MTA3: variants seen among roughly 807,000 people sequenced by gnomAD.
MTA3 encodes the protein metastasis associated 1 family member 3, also known as metastasis-associated protein MTA3.
In MTA3, 34 loss-of-function variants were observed where a neutral mutation model predicts 83.5. The observed-to-expected ratio is 0.41, with a 90% CI of 0.31 to 0.54. The LOEUF (loss-of-function observed/expected upper bound fraction) is 0.54, where lower values mean the gene tolerates loss of function less well. MTA3 is among the 20% of genes least tolerant of loss of function. The pLI is 0.33. For missense variants in MTA3, 761 were observed against 726.4 expected (o/e 1.05, Z -0.55); for synonymous variants, 303 against 252.7 (o/e 1.20, Z -1.89).
rs770325715 is a variant in MTA3, at chr2:42,667,570, T to TTATGTGTGTGTGTGTGTGTG, written c.702+7709_702+7710insATGTGTGTGTGTGTGTGTGT. Among the ~76,000 whole-genome samples the TTATGTGTGTGTGTGTGTGTG allele has an allele frequency of 2.8e-4, 40 of 144,808 alleles. 1 individual carries two copies. The highest frequency in any genetic ancestry group is 4.1e-4 in the African/African-American group (16 of 39,210). The allele number at this position is 144,808 out of a possible 152,430, so 95.0% of individuals were successfully genotyped here. A position where few individuals can be genotyped will look rare whatever the true frequency, so the allele number is the denominator to read the frequency against. ...TGTCAGAATTTCCATCATTTAAAAA[T>TTATGTGTGTGTGTGTGTGTG]TGTGTGTGTGTGTGTGTGTGTGTGT... On this transcript the variant is annotated intron_variant, in intron 8 of 16. Transcript: ENST00000405094.
At chr2:42,725,239 T>C (rs1667726497) in intron 16 of MTA3, among the ~76,000 whole-genome samples, 1 of 152,210 alleles carries the variant, frequency 6.6e-6, no homozygotes, top group Admixed American at 6.5e-5. Context: ...TCAATATATA[T>C]TAGTTGTATA....
intron 2 of MTA3, among the ~76,000 whole-genome samples, chr2:42,561,605 G>C (rs142559222): frequency 6.6e-6 from 1 of 152,212 alleles, no homozygotes; most frequent in East Asian, 1.9e-4. Flanking sequence ...TTACAGGCGT[G>C]AGCCACCGAG....
chr2:42,594,581 A>G (rs1681459625), intron 3 of MTA3, among the ~76,000 whole-genome samples: 1 of 147,922 alleles, frequency 6.8e-6, no homozygotes, highest in African/African-American at 2.5e-5. Context: ...CAGATTAAAA[A>G]TGGTGCCTTG....
intron 2 of MTA3, among the ~76,000 whole-genome samples, chr2:42,496,837 T>A (rs1674159832): frequency 6.6e-6 from 1 of 152,104 alleles, no homozygotes. Flanking sequence ...CTTTCCTATC[T>A]CTATGAATTC....
chr2:42,659,019 G>T (rs370440049), intron 7 of MTA3, among the ~76,000 whole-genome samples: 92 of 151,944 alleles, frequency 6.1e-4, no homozygotes, highest in Middle Eastern at 3.4e-3. Context: ...GATTGTTTGA[G>T]CCCAGGAAGT....
chr2:42,664,416 A>G (rs1436034020), intron 8 of MTA3, among the ~76,000 whole-genome samples: 1 of 140,518 alleles, frequency 7.1e-6, no homozygotes, highest in African/African-American at 2.7e-5. Flanking sequence ...GGGGAGTCAC[A>G]TTCTTTTCTT....
At chr2:42,591,939 G>A (rs1319874482) in intron 3 of MTA3, among the ~76,000 whole-genome samples, 4 of 148,482 alleles carry the variant, frequency 2.7e-5, no homozygotes, top group South Asian at 2.4e-4. Context: ...GTGAGCCACC[G>A]TGCCTGGCCT....
rs75292623 is a variant in MTA3, at chr2:42,722,966, A to T, written c.1690A>T (p.Thr564Ser). The T allele has an allele frequency of 9.8e-4, 1,520 of 1,551,214 alleles. 19 individuals are homozygous for T. The African/African-American group carries it at 0.017, about 18-fold the overall frequency. The part of the protein sequence containing the change: ...LQTPTTKRML[T>S]TPNHTSLSIL... ...AACCCCAACTACCAAGCGGATGCTA[A>T]CAACTCCAAATCACACATCTCTGAG... Residue 564 changes from threonine (T) to serine (S), a missense_variant, in exon 16 of 17, where the codon ACA (threonine) becomes TCA (serine). Thr to Ser is a moderately conservative substitution (Grantham distance 58). Coordinates refer to ENST00000405094, the MANE Select transcript of MTA3 (RefSeq NM_001330442.2).
intron 3 of MTA3, among the ~76,000 whole-genome samples, chr2:42,584,417 C>G (rs1481724204): frequency 6.6e-6 from 1 of 152,214 alleles, no homozygotes; most frequent in African/African-American, 2.4e-5. Context: ...AAGGAACTCT[C>G]CATGCCATTT....
chr2:42,606,276 G>T (rs1250850348), intron 3 of MTA3, among the ~76,000 whole-genome samples: 1 of 149,278 alleles, frequency 6.7e-6, no homozygotes, highest in African/African-American at 2.5e-5. Flanking sequence ...GGTGGCTGCC[G>T]GGCGGAGACG....
chr2:42,736,341 G>A (rs1350129558), intron 16 of MTA3, among the ~76,000 whole-genome samples: 3 of 152,176 alleles, frequency 2.0e-5, no homozygotes, highest in Non-Finnish European at 2.9e-5. Flanking sequence ...GATGACACAA[G>A]CACCCCTGTG....
At chr2:42,590,149 C>T (rs1680795138) in intron 3 of MTA3, among the ~76,000 whole-genome samples, 1 of 152,132 alleles carries the variant, frequency 6.6e-6, no homozygotes, top group African/African-American at 2.4e-5. Context: ...ACTTTGGGTA[C>T]ACTATAGCCC....
In MTA3 at chr2:42,499,802, CAGAA is replaced by C. The variant is rs766399309; in HGVS notation, c.-141+4554_-141+4557del. On this transcript the variant is annotated intron_variant, in intron 2 of 17. Coordinates refer to the MTA3 transcript ENST00000405592. ...AAAAAAAAAAGGAATAATAAAAAGA[CAGAA>C]AGAAACTTTCAGAAGTGATGGATAT... is the stretch of plus-strand genomic sequence containing the variant. Among the ~76,000 whole-genome samples the C allele has an allele frequency of 7.3e-5, 11 of 151,230 alleles. No individual in the cohort carries two copies. In the East Asian group the frequency reaches 7.8e-4, roughly 11 times the overall value.
At chr2:42,580,357 T>TTA (rs1558454870) in intron 3 of MTA3, among the ~76,000 whole-genome samples, 2 of 151,532 alleles carry the variant, frequency 1.3e-5, no homozygotes, top group South Asian at 2.1e-4. Flanking sequence ...ATTTAATTAA[T>TTA]TTTATTTATT....
At chr2:42,544,348 AG>A (rs1175572851) in intron 2 of MTA3, among the ~76,000 whole-genome samples, 5 of 151,716 alleles carry the variant, frequency 3.3e-5, no homozygotes, top group African/African-American at 1.2e-4. Context: ...CAGGAGGCTG[AG>A]GCAGGAGAAT....
At chr2:42,615,520 T>G (rs1291397545) in intron 4 of MTA3, among the ~76,000 whole-genome samples, 4 of 151,588 alleles carry the variant, frequency 2.6e-5, no homozygotes, top group African/African-American at 9.7e-5. Flanking sequence ...CGTGCTCAGC[T>G]AATTTTTGTA....
At chr2:42,677,701 A>G (rs1477039512) in intron 8 of MTA3, among the ~76,000 whole-genome samples, 2 of 152,098 alleles carry the variant, frequency 1.3e-5, no homozygotes, top group African/African-American at 4.8e-5. Context: ...GCCTGCTGCC[A>G]TCTATGTAAG....
upstream of MTA3, among the ~76,000 whole-genome samples, chr2:42,565,122 A>G (rs1018904384): frequency 3.9e-5 from 6 of 151,904 alleles, no homozygotes; most frequent in Non-Finnish European, 8.8e-5. Flanking sequence ...TAAAAACTCC[A>G]TCCCTACGTT....
At chr2:42,501,945 T>C (rs921427966) in intron 2 of MTA3, among the ~76,000 whole-genome samples, 1 of 152,166 alleles carries the variant, frequency 6.6e-6, no homozygotes, top group Admixed American at 6.6e-5. Context: ...GCCACTGCAC[T>C]CCAGCCTGGG....
Sources: gnomAD v4.1 joint callset for allele counts (sites outside exome capture counted in the v4.1 genomes callset) on GRCh38, gnomAD v4.1.1 for gene constraint, MANE v1.5 for transcripts, NCBI Gene and HGNC (gene_info 2026-07-23, HGNC 2026-07-21) for gene names.